SRD5A1: variants seen among roughly 807,000 people sequenced by gnomAD.
The protein encoded by SRD5A1 is 3-oxo-5-alpha-steroid 4-dehydrogenase 1.
A neutral mutation model predicts 28.2 loss-of-function variants in SRD5A1; 22 were observed. The observed-to-expected ratio is 0.78, with a 90% CI of 0.56 to 1.12. SRD5A1 has a LOEUF of 1.12. SRD5A1 is among the 50% of genes most tolerant of loss of function. SRD5A1 has a pLI of 0.00. For synonymous variants in SRD5A1, 151 were observed against 135.0 expected (o/e 1.12, Z -0.82); for missense variants, 300 against 346.7 (o/e 0.87, Z 1.07).
Position 6,670,264 on chromosome 5 carries a change from A to G in SRD5A1, c.*1996A>G, listed in dbSNP as rs1368508044. 6.6e-6 allele frequency: 1 copy of G among 152,208 alleles called. No individual in the cohort carries two copies. The highest frequency in any genetic ancestry group is 1.5e-5 in the Non-Finnish European group (1 of 68,042). The allele number at this position is 152,208 out of a possible 1,614,324, so 9.4% of individuals were successfully genotyped here. A position where few individuals can be genotyped will look rare whatever the true frequency, so the allele number is the denominator to read the frequency against. ...TTGGCCTATAGGGATCCTGCCCCAT[A>G]ATGGCTGGTTACCTCCTGCCTCAAG... is the stretch of plus-strand genomic sequence containing the variant. On this transcript the variant is annotated 3_prime_UTR_variant, in exon 5 of 5. Transcript: ENST00000274192.
At chr5:6,651,495 A>AAAT (rs368166002) in intron 1 of SRD5A1, among the ~76,000 whole-genome samples, 45 of 151,516 alleles carry the variant, frequency 3.0e-4, no homozygotes, top group South Asian at 8.3e-4. Flanking sequence ...GGTCTCTACA[A>AAAT]AATAATAATA....
chr5:6,633,646 G>C lies in SRD5A1; in HGVS notation c.70G>C (p.Gly24Arg). ...AALAYLQCAV[G>R]CAVFARNRQT... Reference sequence around the variant, plus strand: ...GCTCGCCTACCTGCAGTGCGCCGTGGGCTGCGCGGTCTTCGCGCGCAATCG... The same window carrying C: ...GCTCGCCTACCTGCAGTGCGCCGTGCGCTGCGCGGTCTTCGCGCGCAATCG... Residue 24 changes from glycine (G) to arginine (R), a missense_variant, in exon 1 of 5, where the codon GGC becomes CGC. By Grantham distance (125) the Gly-to-Arg change is moderately radical. Transcript: ENST00000274192. 6.4e-7 allele frequency: 1 copy of C among 1,563,470 alleles called. No homozygotes were observed. Among genetic ancestry groups the C allele is most frequent in the South Asian group, 1.1e-5 (1 of 87,678 alleles).
At position 6,637,046 on chromosome 5, in the gene SRD5A1, T is replaced by C. The variant is rs184971922; in HGVS notation, c.293+3177T>C. The stretch of plus-strand genomic sequence containing the variant: ...ACGGTAGCGACAAGGATTGCCTGCC[T>C]CCTATCTGTGCTGAAGCCTCCTTCT... On this transcript the variant is annotated intron_variant, in intron 1 of 4. Transcript: ENST00000274192. Among the ~76,000 whole-genome samples, 124 of 152,188 alleles carry C rather than the reference T, an allele frequency of 8.1e-4. 1 individual carries two copies. Among genetic ancestry groups the C allele is most frequent in the African/African-American group, 2.9e-3 (121 of 41,506 alleles).
chr5:6,646,455 T>C (rs1738513322), intron 1 of SRD5A1, among the ~76,000 whole-genome samples: 1 of 152,242 alleles, frequency 6.6e-6, no homozygotes, highest in African/African-American at 2.4e-5. Context: ...TTTCAGAATT[T>C]GTTATTGGTG....
At chr5:6,650,101 C>A (rs1175098404) in intron 1 of SRD5A1, among the ~76,000 whole-genome samples, 2 of 152,080 alleles carry the variant, frequency 1.3e-5, no homozygotes, top group Non-Finnish European at 2.9e-5. Flanking sequence ...CTGTGTCTTT[C>A]AAGGACTTTG....
At chr5:6,648,680 T>G (rs1227743556) in intron 1 of SRD5A1, among the ~76,000 whole-genome samples, 1 of 152,198 alleles carries the variant, frequency 6.6e-6, no homozygotes, top group East Asian at 1.9e-4. Context: ...TTTTCCAGGT[T>G]CTTATCTTCC....
At chr5:6,637,552 G>A (rs1321074928) in intron 1 of SRD5A1, among the ~76,000 whole-genome samples, 1 of 152,170 alleles carries the variant, frequency 6.6e-6, no homozygotes, top group Non-Finnish European at 1.5e-5. Flanking sequence ...ACGCAGCTTT[G>A]TTCAGTATTC....
rs578009322 is a variant in SRD5A1 at position 6,650,062 on chromosome 5, T to G, written c.294-1780T>G. ...GGTAACAGTGCTATTCATGTTGTCT[T>G]TCTTTCTTCTCGGGTCAGTTTTGGT... On this transcript the variant is annotated intron_variant, in intron 1 of 4. Transcript: ENST00000274192. Among the ~76,000 whole-genome samples, 14 of 152,348 alleles carry G rather than the reference T, an allele frequency of 9.2e-5. No individual in the cohort carries two copies. In the South Asian group the frequency reaches 1.0e-3, roughly 11 times the overall value.
At chr5:6,666,233 T>C (rs772640252) in intron 4 of SRD5A1, among the ~76,000 whole-genome samples, 46 of 152,180 alleles carry the variant, frequency 3.0e-4, no homozygotes, top group South Asian at 1.0e-3. Context: ...CTGCAAGCTC[T>C]GCCTCCCAGG....
intron 1 of SRD5A1, among the ~76,000 whole-genome samples, chr5:6,644,472 T>A (rs1475408116): frequency 6.6e-6 from 1 of 152,180 alleles, no homozygotes; most frequent in Non-Finnish European, 1.5e-5. Flanking sequence ...GCCGTAACTC[T>A]CAGGGAAGTT....
At chr5:6,666,319 T>G (rs929710873) in intron 4 of SRD5A1, among the ~76,000 whole-genome samples, 3 of 152,172 alleles carry the variant, frequency 2.0e-5, no homozygotes, top group Non-Finnish European at 2.9e-5. Context: ...GGCTAATTTT[T>G]TTGTATTTTT....
rs1165781037 is a variant in SRD5A1 at position 6,672,382 on chromosome 5, T to A, written c.*4114T>A. The stretch of plus-strand genomic sequence containing the variant: ...GCTGTGCCTCCCGGGTTCAAACAAT[T>A]CTTCTGCCTCAGCCTCCCGAGTAGC... On this transcript the variant is annotated 3_prime_UTR_variant, in exon 5 of 5. Coordinates refer to ENST00000274192, the MANE Select transcript of SRD5A1 (RefSeq NM_001047.4). 2.6e-5 allele frequency: 4 copies of A among 152,304 alleles called. No homozygotes were observed. The highest frequency in any genetic ancestry group is 9.6e-5 in the African/African-American group (4 of 41,454). The allele number at this position is 152,304 out of a possible 1,614,324, so 9.4% of individuals were successfully genotyped here.
At position 6,669,911 on chromosome 5, in the gene SRD5A1, G is replaced by A; in HGVS notation, c.*1643G>A. 1 of 152,764 alleles carries A rather than the reference G, an allele frequency of 6.5e-6. No homozygotes were observed. The highest frequency in any genetic ancestry group is 1.5e-5 in the Non-Finnish European group (1 of 68,298). The allele number at this position is 152,764 out of a possible 1,614,324, so 9.5% of individuals were successfully genotyped here. ...ATGGACCACAGCACGGGTGGAGATG[G>A]GCCTGATGTGGCAGAGCAGAGAGGC... On this transcript the variant is annotated 3_prime_UTR_variant, in exon 5 of 5. Transcript: ENST00000274192.
Position 6,672,845 on chromosome 5 carries a change from C to G in SRD5A1, c.*4577C>G, listed in dbSNP as rs1739400164. On this transcript the variant is annotated 3_prime_UTR_variant, in exon 5 of 5. Transcript: ENST00000274192. ...CAGAATTAAAAAACTAGCTAGTTCT[C>G]TCAATAAAATAATACTTTCTTTTCT... 6.6e-6 allele frequency: 1 copy of G among 152,218 alleles called. No homozygotes were observed. The highest frequency in any genetic ancestry group is 2.1e-4 in the South Asian group (1 of 4,830). 9.4% of individuals were successfully genotyped at this position (152,218 alleles called of 1,614,324 possible).
chr5:6,633,717 G>A lies in SRD5A1; in HGVS notation c.141G>A (p.Arg47=). Residue 47 remains arginine, a synonymous_variant, in exon 1 of 5, where the codon AGG becomes AGA. Transcript: ENST00000274192. Reference sequence around the variant, plus strand: ...GCCGCCACGCGCTGCCCAGCCACAGGCTCCGAGTGCCGGCGCGGGCCGCCT... The same window carrying A: ...GCCGCCACGCGCTGCCCAGCCACAGACTCCGAGTGCCGGCGCGGGCCGCCT... ...VYGRHALPSH[R]LRVPARAAWV... is the part of the protein sequence containing the mutation. 6.3e-7 allele frequency: 1 copy of A among 1,593,814 alleles called. No individual in the cohort carries two copies. Among genetic ancestry groups the A allele is most frequent in the South Asian group, 1.1e-5 (1 of 90,782 alleles).
At chr5:6,650,133 AT>A (rs1320631624) in intron 1 of SRD5A1, among the ~76,000 whole-genome samples, 25 of 152,110 alleles carry the variant, frequency 1.6e-4, no homozygotes, top group African/African-American at 5.3e-4. Flanking sequence ...AAGTTGTTAA[AT>A]TTATTGGTAT....
At chr5:6,666,685 C>T (rs1739193577) in intron 4 of SRD5A1, among the ~76,000 whole-genome samples, 1 of 152,176 alleles carries the variant, frequency 6.6e-6, no homozygotes, top group African/African-American at 2.4e-5. Flanking sequence ...ATAATGGTTT[C>T]TGTGAAATAC....
At chr5:6,649,807 T>C (rs1738618478) in intron 1 of SRD5A1, among the ~76,000 whole-genome samples, 2 of 152,080 alleles carry the variant, frequency 1.3e-5, no homozygotes, top group African/African-American at 4.8e-5. Flanking sequence ...GTTACCTCAG[T>C]TGGAAATGCA....
rs187193800 is a variant in SRD5A1 at position 6,645,943 on chromosome 5, C to T, written c.294-5899C>T. 1.9e-3 allele frequency among the ~76,000 whole-genome samples: 296 copies of T among 152,170 alleles called. 5 individuals are homozygous for T. The highest frequency in any genetic ancestry group is 6.8e-3 in the African/African-American group (281 of 41,510). On this transcript the variant is annotated intron_variant, in intron 1 of 4. Transcript: ENST00000274192. ...ACATGCCATGGTGGTTTGCTGCACC[C>T]ATTAACCCGTGATCTGCATTAGGTA...
Sources: allele counts gnomAD v4.1 joint callset (sites outside exome capture counted in the v4.1 genomes callset), GRCh38; gene constraint gnomAD v4.1.1; transcripts MANE v1.5; gene names NCBI Gene and HGNC (gene_info 2026-07-23, HGNC 2026-07-21).